RIPOR2: variants seen among roughly 807,000 people sequenced by gnomAD.
RIPOR2 encodes rho family-interacting cell polarization regulator 2.
In RIPOR2, 39 loss-of-function variants were observed where a neutral mutation model predicts 114.5. That is an observed-to-expected ratio of 0.34 (90% CI 0.26 to 0.44). RIPOR2 has a LOEUF of 0.44. RIPOR2 is among the 20% of genes least tolerant of loss of function. The pLI is 1.00. For synonymous variants in RIPOR2, 445 were observed against 484.4 expected, an observed-to-expected ratio of 0.92 and a Z score of 1.07; for missense variants, 1,007 against 1,255.1, an observed-to-expected ratio of 0.80 and a Z score of 2.99.
intron 8 of RIPOR2, among the ~76,000 whole-genome samples, chr6:24,857,296 A>G (rs1273908756): frequency 6.6e-6 from 1 of 152,126 alleles, no homozygotes; most frequent in Non-Finnish European, 1.5e-5. Context: ...ACAGTTTGTG[A>G]TTACCAGTGC....
intron 1 of RIPOR2, among the ~76,000 whole-genome samples, chr6:24,897,216 A>C (rs994705736): frequency 6.6e-6 from 1 of 152,276 alleles, no homozygotes; most frequent in Non-Finnish European, 1.5e-5. Context: ...TGTCTTTCAC[A>C]AATGACAGGC....
At chr6:24,916,768 T>C (rs961448215) in intron 1 of RIPOR2, among the ~76,000 whole-genome samples, 3 of 152,328 alleles carry the variant, frequency 2.0e-5, no homozygotes, top group East Asian at 1.9e-4. Context: ...GTCACACATA[T>C]CTGCTTGCAC....
chr6:25,041,241 C>T (rs1270557319), intron 1 of RIPOR2, among the ~76,000 whole-genome samples: 2 of 152,222 alleles, frequency 1.3e-5, no homozygotes, highest in East Asian at 1.9e-4. Flanking sequence ...AACAGACACA[C>T]ACAAATTTGT....
rs531089950 is a variant in RIPOR2, at chr6:24,963,862, T to C, written c.76+77989A>G. Among the ~76,000 whole-genome samples the C allele has an allele frequency of 1.1e-4, 16 of 152,212 alleles. No homozygotes were observed. In the South Asian group the frequency reaches 3.3e-3, roughly 32 times the overall value. On this transcript the variant is annotated intron_variant, in intron 1 of 13. Transcript: ENST00000510784. ...ACCTTATGTTTTCTTTTTCTAACTT[T>C]TCTTTTGAAATAATTGTAGATTCAC...
chr6:24,852,617 A>G lies in RIPOR2; in HGVS notation c.717T>C (p.Gly239=). Reference sequence around the variant, plus strand: ...GACAGAGGCGTGCAAAGCCAGCCAGACCTGTAACCAAGAAATTGGAAGGTG... The same window carrying G: ...GACAGAGGCGTGCAAAGCCAGCCAGGCCTGTAACCAAGAAATTGGAAGGTG... ...LLGEFSIKMK[G]LAGFARLCPG... is the part of the protein sequence containing the mutation. Residue 239 remains glycine (G), a splice_region_variant and synonymous_variant, in exon 9 of 22, where the codon GGT becomes GGC. Coordinates refer to ENST00000643898, the MANE Select transcript of RIPOR2 (RefSeq NM_001286445.3). 4 of 1,587,456 alleles carry G rather than the reference A, an allele frequency of 2.5e-6. No homozygotes were observed. Among genetic ancestry groups the G allele is most frequent in the African/African-American group, 1.4e-5 (1 of 73,086 alleles).
chr6:24,874,775 G>A (rs1320085182), intron 2 of RIPOR2, among the ~76,000 whole-genome samples: 2 of 152,170 alleles, frequency 1.3e-5, no homozygotes, highest in African/African-American at 4.8e-5. Flanking sequence ...TTCGATAAGG[G>A]ACCATAAGCA....
At chr6:24,868,865 T>C (rs1399397235) in intron 6 of RIPOR2, among the ~76,000 whole-genome samples, 1 of 152,222 alleles carries the variant, frequency 6.6e-6, no homozygotes, top group Non-Finnish European at 1.5e-5. Context: ...TAGCACTTAA[T>C]AAATGTTTGT....
intron 1 of RIPOR2, among the ~76,000 whole-genome samples, chr6:25,032,844 A>G (rs1777058199): frequency 6.6e-6 from 1 of 152,244 alleles, no homozygotes; most frequent in African/African-American, 2.4e-5. Context: ...GTTTGAAGAA[A>G]TGTATTGCTA....
At chr6:24,847,991 A>G in intron 12 of RIPOR2, 34 bp downstream of exon 12, 3 of 1,613,598 alleles carry the variant, frequency 1.9e-6, no homozygotes, top group Non-Finnish European at 2.5e-6. Flanking sequence ...GCTCAGGTGC[A>G]TTGATTCTAC....
At chr6:24,880,514 G>T (rs1322059309) in intron 1 of RIPOR2, among the ~76,000 whole-genome samples, 1 of 152,096 alleles carries the variant, frequency 6.6e-6, no homozygotes, top group Non-Finnish European at 1.5e-5. Flanking sequence ...ATACAGAAAA[G>T]GTATTTGTGT....
chr6:24,894,120 C>T (rs771985175), intron 1 of RIPOR2, among the ~76,000 whole-genome samples: 11 of 152,204 alleles, frequency 7.2e-5, no homozygotes, highest in Non-Finnish European at 1.0e-4. Context: ...GGTTCATCTC[C>T]TGGTGGCTAC....
At chr6:24,820,678 G>C (rs944918444) in intron 19 of RIPOR2, among the ~76,000 whole-genome samples, 1 of 152,056 alleles carries the variant, frequency 6.6e-6, no homozygotes, top group African/African-American at 2.4e-5. Flanking sequence ...GGCTCATCTA[G>C]GTTGAAGGAT....
At chr6:24,923,657 C>T (rs1314302290) in intron 1 of RIPOR2, among the ~76,000 whole-genome samples, 4 of 151,868 alleles carry the variant, frequency 2.6e-5, no homozygotes, top group African/African-American at 9.7e-5. Flanking sequence ...CCAGTCTGGC[C>T]AACATGGTGA....
chr6:24,944,468 C>G (rs1418194039), intron 1 of RIPOR2, among the ~76,000 whole-genome samples: 1 of 152,096 alleles, frequency 6.6e-6, no homozygotes, highest in Admixed American at 6.6e-5. Context: ...ACAACAAGAA[C>G]AGCAACAAAA....
intron 20 of RIPOR2, among the ~76,000 whole-genome samples, chr6:24,811,216 C>T (rs1046026778): frequency 7.0e-6 from 1 of 143,342 alleles, no homozygotes; most frequent in African/African-American, 2.5e-5. Flanking sequence ...TAAGGTGTGG[C>T]CTTCTCTCAT....
chr6:25,005,137 T>C (rs1385085038), intron 1 of RIPOR2, among the ~76,000 whole-genome samples: 1 of 152,182 alleles, frequency 6.6e-6, no homozygotes, highest in Non-Finnish European at 1.5e-5. Context: ...AGAATTTCTC[T>C]GCCTATTTCC....
At chr6:24,865,832 AAAT>A (rs889993686) in intron 6 of RIPOR2, among the ~76,000 whole-genome samples, 1 of 152,086 alleles carries the variant, frequency 6.6e-6, no homozygotes, top group Non-Finnish European at 1.5e-5. Context: ...AATAAGTATT[AAAT>A]AATAAAAATA....
chr6:24,954,456 C>CTTTTTTTTTT (rs10667748), intron 1 of RIPOR2, among the ~76,000 whole-genome samples: 1 of 132,390 alleles, frequency 7.6e-6, no homozygotes, highest in Non-Finnish European at 1.6e-5. Context: ...TCTCTCTCTC[C>CTTTTTTTTTT]TTTTTTTTTT....
At chr6:24,850,063 C>T in intron 10 of RIPOR2, 113 bp from the exon 11 acceptor site, 1 of 769,576 alleles carries the variant, frequency 1.3e-6, no homozygotes, top group East Asian at 2.8e-5. Flanking sequence ...AGAATCATAT[C>T]TGAAATCAGA....
Sources: gnomAD v4.1 joint callset for allele counts (sites outside exome capture counted in the v4.1 genomes callset) on GRCh38, gnomAD v4.1.1 for gene constraint, MANE v1.5 for transcripts, NCBI Gene and HGNC (gene_info 2026-07-23, HGNC 2026-07-21) for gene names.